The following SLIT2 variants were observed in gnomAD, a reference collection of about 807,000 sequenced individuals.
SLIT2 encodes slit homolog 2 protein.
SLIT2 carries 41 observed loss-of-function variants against 185.7 expected under a neutral mutation model. The observed-to-expected ratio is 0.22, with a 90% CI of 0.17 to 0.29. The LOEUF (loss-of-function observed/expected upper bound fraction) is 0.29. Among genes scored for constraint, SLIT2 ranks in the 10% least tolerant of loss-of-function variants. The probability of loss-of-function intolerance (pLI) is 1.00; values close to 1 mark genes in which losing one functional copy is unlikely to be tolerated. For synonymous variants in SLIT2, 693 were observed against 680.2 expected (o/e 1.02, Z -0.29); for missense variants, 1,571 against 1,909.0 (o/e 0.82, Z 3.30).
At chr4:20,538,617 G>T in intron 18 of SLIT2, among the ~76,000 whole-genome samples, 1 of 151,684 alleles carries the variant, frequency 6.6e-6, no homozygotes, top group Non-Finnish European at 1.5e-5. Context: ...ACGATTTATG[G>T]CAACTATTCA....
At chr4:20,357,177 C>A (rs1409220822) in intron 4 of SLIT2, among the ~76,000 whole-genome samples, 1 of 152,072 alleles carries the variant, frequency 6.6e-6, no homozygotes, top group Non-Finnish European at 1.5e-5. Context: ...CATCATGTTT[C>A]CATTACTCCT....
chr4:20,367,601 C>T (rs1723216494), intron 4 of SLIT2, among the ~76,000 whole-genome samples: 1 of 152,114 alleles, frequency 6.6e-6, no homozygotes, highest in Admixed American at 6.6e-5. Context: ...TAGTTCTCTG[C>T]TGTCATCTTG....
chr4:20,439,842 GATAA>G (rs1436134905), intron 4 of SLIT2, among the ~76,000 whole-genome samples: 4 of 152,138 alleles, frequency 2.6e-5, no homozygotes, highest in African/African-American at 9.7e-5. Context: ...AAGAACCATA[GATAA>G]ATAGAGTTCA....
intron 4 of SLIT2, among the ~76,000 whole-genome samples, chr4:20,449,598 A>G (rs541193209): frequency 6.6e-6 from 1 of 152,160 alleles, no homozygotes; most frequent in South Asian, 2.1e-4. Flanking sequence ...TAGTAGAGAC[A>G]GGGTTTCACC....
At chr4:20,573,799 A>C (rs972120764) in intron 29 of SLIT2, among the ~76,000 whole-genome samples, 4 of 152,088 alleles carry the variant, frequency 2.6e-5, no homozygotes, top group South Asian at 2.1e-4. Flanking sequence ...AAGTTGACTT[A>C]TAAATTTGTG....
intron 1 of SLIT2, among the ~76,000 whole-genome samples, chr4:20,255,925 G>C (rs1307326589): frequency 6.6e-6 from 1 of 152,152 alleles, no homozygotes; most frequent in African/African-American, 2.4e-5. Flanking sequence ...ATTGGAACCA[G>C]GGCAAGTTTA....
chr4:20,539,392 G>T (rs200078350), intron 18 of SLIT2, 49 bp from the exon 19 acceptor site: 3 of 1,554,826 alleles, frequency 1.9e-6, no homozygotes, highest in African/African-American at 2.8e-5. Flanking sequence ...AGGCAAAATT[G>T]ATTGCCTGAT....
At chr4:20,585,250 T>C (rs1560216089) in intron 29 of SLIT2, among the ~76,000 whole-genome samples, 1 of 152,198 alleles carries the variant, frequency 6.6e-6, no homozygotes, top group Non-Finnish European at 1.5e-5. Flanking sequence ...CATAGACCCC[T>C]TGATGGACCA....
At chr4:20,534,658 T>A (rs1055842018) in intron 18 of SLIT2, among the ~76,000 whole-genome samples, 1 of 152,140 alleles carries the variant, frequency 6.6e-6, no homozygotes, top group East Asian at 1.9e-4. Flanking sequence ...GTGATTGTAG[T>A]GGGGAGTCTG....
At chr4:20,427,969 C>T (rs1728685951) in intron 4 of SLIT2, among the ~76,000 whole-genome samples, 1 of 152,156 alleles carries the variant, frequency 6.6e-6, no homozygotes, top group South Asian at 2.1e-4. Context: ...GTGATCCATA[C>T]TGTGCTAATT....
intron 35 of SLIT2, 99 bp downstream of exon 35, chr4:20,617,297 G>A: frequency 5.7e-6 from 7 of 1,217,724 alleles, no homozygotes; most frequent in Non-Finnish European, 5.8e-6. Context: ...CGGGAAGGGA[G>A]GGGAGGGGAG....
intron 26 of SLIT2, among the ~76,000 whole-genome samples, chr4:20,562,615 C>T (rs1424537738): frequency 6.6e-6 from 1 of 151,706 alleles, no homozygotes; most frequent in Non-Finnish European, 1.5e-5. Flanking sequence ...GAAAATCTGG[C>T]CTAGTCCCTG....
intron 18 of SLIT2, among the ~76,000 whole-genome samples, chr4:20,538,116 C>T (rs1031435911): frequency 5.9e-5 from 9 of 152,250 alleles, no homozygotes; most frequent in South Asian, 4.1e-4. Context: ...CCCGCCACCA[C>T]GCTAGGCTAA....
chr4:20,388,830 A>G, intron 4 of SLIT2, among the ~76,000 whole-genome samples: 1 of 145,934 alleles, frequency 6.9e-6, no homozygotes, highest in East Asian at 2.0e-4. Context: ...TATATATAAT[A>G]TATAATATAT....
chr4:20,527,738 A>G (rs1308472557), intron 15 of SLIT2, among the ~76,000 whole-genome samples: 2 of 152,312 alleles, frequency 1.3e-5, no homozygotes, highest in East Asian at 1.9e-4. Flanking sequence ...TATTTTTTCA[A>G]TAATTCCCAT....
chr4:20,561,138 G>A (rs567977381), intron 26 of SLIT2, among the ~76,000 whole-genome samples: 3 of 151,902 alleles, frequency 2.0e-5, no homozygotes, highest in South Asian at 4.2e-4. Flanking sequence ...GGCCCAAAAG[G>A]GGAGGGGTCT....
chr4:20,442,964 T>A (rs1431929820), intron 4 of SLIT2, among the ~76,000 whole-genome samples: 1 of 152,144 alleles, frequency 6.6e-6, no homozygotes, highest in African/African-American at 2.4e-5. Flanking sequence ...AAAAGGGCTT[T>A]TTTCCCCCTT....
chr4:20,390,957 T>C (rs6832905), intron 4 of SLIT2, among the ~76,000 whole-genome samples: 140,538 of 151,944 alleles, frequency 0.92, 65,084 homozygotes, highest in East Asian at 0.97. Context: ...ACACAAAGTA[T>C]CTGAATGCAT....
chr4:20,509,483 C>T (rs558439446), intron 9 of SLIT2, among the ~76,000 whole-genome samples: 1 of 152,222 alleles, frequency 6.6e-6, no homozygotes, highest in African/African-American at 2.4e-5. Flanking sequence ...AATATCCTGG[C>T]TTCTTCTCCC....
Sources: gnomAD v4.1 joint callset for allele counts (sites outside exome capture counted in the v4.1 genomes callset) on GRCh38, gnomAD v4.1.1 for gene constraint, MANE v1.5 for transcripts, NCBI Gene and HGNC (gene_info 2026-07-23, HGNC 2026-07-21) for gene names.